ZNF521: variants seen among roughly 807,000 people sequenced by gnomAD.
ZNF521 encodes LYST-interacting protein 3.
ZNF521 carries 14 observed loss-of-function variants against 105.5 expected under a neutral mutation model. The ratio of observed to expected loss-of-function variants is 0.13; its 90% CI spans 0.09 to 0.21. ZNF521 has a LOEUF of 0.21. Ranked by LOEUF, ZNF521 falls within the 10% of genes least tolerant of loss-of-function variation. The pLI, the probability that ZNF521 is intolerant of heterozygous loss-of-function variation, is 1.00. For missense variants in ZNF521, 1,233 were observed against 1,629.7 expected (o/e 0.76, Z 4.19); for synonymous variants, 635 against 606.0 (o/e 1.05, Z -0.70).
chr18:25,296,901 T>C (rs1911347691), intron 3 of ZNF521, among the ~76,000 whole-genome samples: 1 of 152,110 alleles, frequency 6.6e-6, no homozygotes, highest in Admixed American at 6.6e-5. Context: ...ATCTTCAGTA[T>C]AAGAAATAAA....
intron 3 of ZNF521, among the ~76,000 whole-genome samples, chr18:25,279,505 T>G (rs1197238700): frequency 6.6e-6 from 1 of 152,302 alleles, no homozygotes; most frequent in Admixed American, 6.5e-5. Flanking sequence ...AATTTCCTCT[T>G]TGATAACCAG....
intron 3 of ZNF521, among the ~76,000 whole-genome samples, chr18:25,273,220 C>CAAA (rs67381140): frequency 0.039 from 1,605 of 40,818 alleles, 188 homozygotes; most frequent in Non-Finnish European, 0.047. Flanking sequence ...ACCCTGTCTC[C>CAAA]AAAAAAAAAA....
At position 25,179,116 on chromosome 18, in the gene ZNF521, C is replaced by CTTTTTTTTTTTTTTTT. The variant is rs1175859497; in HGVS notation, c.3658+16028_3658+16043dup. 5.1e-4 allele frequency among the ~76,000 whole-genome samples: 27 copies of CTTTTTTTTTTTTTTTT among 52,482 alleles called. 2 individuals carry two copies. Among genetic ancestry groups the CTTTTTTTTTTTTTTTT allele is most frequent in the Non-Finnish European group, 6.6e-4 (19 of 28,970 alleles). 34.4% of individuals were successfully genotyped at this position (52,482 alleles called of 152,430 possible). On this transcript the variant is annotated intron_variant, in intron 5 of 7. Transcript: ENST00000361524. ...GACTTATACTTCTTTTTCTTTATTC[C>CTTTTTTTTTTTTTTTT]TTTTTTTTTTTTTTTTTTTTTTTTT...
At chr18:25,291,936 A>G (rs1035710541) in intron 3 of ZNF521, among the ~76,000 whole-genome samples, 1 of 133,720 alleles carries the variant, frequency 7.5e-6, no homozygotes, top group Non-Finnish European at 1.5e-5. Flanking sequence ...TGCACCAAGA[A>G]AAAAAAAAAT....
At chr18:25,154,543 G>C (rs1567985590) in intron 5 of ZNF521, among the ~76,000 whole-genome samples, 1 of 152,132 alleles carries the variant, frequency 6.6e-6, no homozygotes, top group Admixed American at 6.5e-5. Context: ...CTTAATATAA[G>C]TTGAGGTACC....
At position 25,226,020 on chromosome 18, in the gene ZNF521, T is replaced by A; in HGVS notation, c.1898A>T (p.Glu633Val). ...AGCACCACATTGATTACAGATATAT[T>A]CTCCAGTGGGACGTGCAGGTGCACC... Reference protein sequence around the residue: ...VGGAPARPTGEYICNQCGAKY... With the variant: ...VGGAPARPTGVYICNQCGAKY... Residue 633 changes from glutamate (E) to valine (V), a missense_variant, in exon 4 of 8, where the codon GAA (glutamate) becomes GTA (valine). Coordinates refer to ENST00000361524, the MANE Select transcript of ZNF521 (RefSeq NM_015461.3). This position sits in a 1 kb window ranked among gnomAD's most constrained non-coding sequence, Gnocchi z 4.1. The A allele has an allele frequency of 1.2e-6, 2 of 1,614,148 alleles. No individual in the cohort carries two copies. Among genetic ancestry groups the A allele is most frequent in the Non-Finnish European group, 1.7e-6 (2 of 1,180,004 alleles).
At chr18:25,204,082 C>T (rs1472996150) in intron 4 of ZNF521, among the ~76,000 whole-genome samples, 3 of 152,150 alleles carry the variant, frequency 2.0e-5, no homozygotes, top group South Asian at 2.1e-4. Context: ...GTAAAAGCTC[C>T]GTGAGACTTC....
Position 25,226,659 on chromosome 18 carries a change from A to G in ZNF521, c.1259T>C (p.Val420Ala). 6.2e-7 allele frequency: 1 copy of G among 1,614,178 alleles called. No homozygotes were observed. The part of the protein sequence containing the change: ...CNKQLFSSLA[V>A]LQIHLKTMHL... The stretch of plus-strand genomic sequence containing the variant: ...CATAGTTTTCAGGTGAATCTGCAGA[A>G]CTGCAAGACTTGAAAATAATTGTTT... Residue 420 changes from valine (V) to alanine (A), a missense_variant, in exon 4 of 8, where the codon GTT becomes GCT. Transcript: ENST00000361524. This position sits in a 1 kb window ranked among gnomAD's most constrained non-coding sequence, Gnocchi z 4.1.
At chr18:25,213,819 C>A (rs1041073986) in intron 4 of ZNF521, among the ~76,000 whole-genome samples, 2 of 152,030 alleles carry the variant, frequency 1.3e-5, no homozygotes, top group African/African-American at 4.8e-5. Context: ...AATCACTATA[C>A]TTCTCTTTTT....
At chr18:25,081,636 A>G (rs1170278575) in intron 7 of ZNF521, among the ~76,000 whole-genome samples, 2 of 152,192 alleles carry the variant, frequency 1.3e-5, no homozygotes, top group African/African-American at 4.8e-5. Flanking sequence ...AAAACAGGTA[A>G]TTGAAAATGC....
At chr18:25,169,308 G>C (rs1428357649) in intron 5 of ZNF521, among the ~76,000 whole-genome samples, 1 of 152,116 alleles carries the variant, frequency 6.6e-6, no homozygotes, top group African/African-American at 2.4e-5. Flanking sequence ...AGAGTTGCAT[G>C]AAAGTGCCCA....
At chr18:25,216,561 T>C (rs1905335135) in intron 4 of ZNF521, among the ~76,000 whole-genome samples, 1 of 152,092 alleles carries the variant, frequency 6.6e-6, no homozygotes, top group Admixed American at 6.5e-5. Flanking sequence ...AAGAACGAAA[T>C]AGGGCTTTTT....
At chr18:25,117,147 C>G (rs989106487) in intron 5 of ZNF521, among the ~76,000 whole-genome samples, 2 of 150,208 alleles carry the variant, frequency 1.3e-5, no homozygotes, top group East Asian at 3.9e-4. Context: ...AGAATTTGGT[C>G]AGGGATTTAT....
intron 5 of ZNF521, among the ~76,000 whole-genome samples, chr18:25,159,359 T>C (rs1173646314): frequency 1.3e-5 from 2 of 152,182 alleles, no homozygotes; most frequent in Non-Finnish European, 2.9e-5. Flanking sequence ...TCCAGGAATA[T>C]CCTGGGGGCA....
At chr18:25,177,415 C>T (rs1183079801) in intron 5 of ZNF521, among the ~76,000 whole-genome samples, 2 of 152,112 alleles carry the variant, frequency 1.3e-5, no homozygotes, top group African/African-American at 4.8e-5. Flanking sequence ...TCAAAGAAAA[C>T]TTGAGTAGGA....
At chr18:25,189,499 G>A (rs148897189) in intron 5 of ZNF521, among the ~76,000 whole-genome samples, 1 of 152,166 alleles carries the variant, frequency 6.6e-6, no homozygotes, top group South Asian at 2.1e-4. Flanking sequence ...AGAGCTGCCA[G>A]CTGTACAGCA....
chr18:25,097,552 G>A (rs755276509), intron 5 of ZNF521, among the ~76,000 whole-genome samples: 4 of 152,112 alleles, frequency 2.6e-5, no homozygotes, highest in South Asian at 4.1e-4. Flanking sequence ...ATATGGGAGT[G>A]TCTGGCACTG....
chr18:25,298,917 G>A (rs1057211488), intron 3 of ZNF521, among the ~76,000 whole-genome samples: 17 of 152,148 alleles, frequency 1.1e-4, no homozygotes, highest in African/African-American at 3.6e-4. Flanking sequence ...GAGTGACCAT[G>A]CCCCAAAACA....
At chr18:25,324,476 C>T (rs1216643142) in intron 2 of ZNF521, among the ~76,000 whole-genome samples, 1 of 151,818 alleles carries the variant, frequency 6.6e-6, no homozygotes, top group South Asian at 2.1e-4. Flanking sequence ...CCAAACTAGA[C>T]AGCAATTCAG....
Sources: allele counts gnomAD v4.1 joint callset (sites outside exome capture counted in the v4.1 genomes callset), GRCh38; gene constraint gnomAD v4.1.1; non-coding constraint Gnocchi (gnomAD v3.1); transcripts MANE v1.5; gene names NCBI Gene and HGNC (gene_info 2026-07-23, HGNC 2026-07-21).